The following EIF3K variants were observed in gnomAD, a reference collection of about 807,000 sequenced individuals.
EIF3K encodes the protein eukaryotic translation initiation factor 3 subunit K, also known as eIF-3 p28.
A neutral mutation model predicts 34.2 loss-of-function variants in EIF3K; 27 were observed. The ratio of observed to expected loss-of-function variants is 0.79; its 90% CI spans 0.58 to 1.09. The LOEUF is 1.09. EIF3K is among the 50% of genes least tolerant of loss of function. EIF3K has a pLI of 0.00. For synonymous variants in EIF3K, 105 were observed against 105.7 expected, an observed-to-expected ratio of 0.99 and a Z score of 0.04; for missense variants, 232 against 275.4, an observed-to-expected ratio of 0.84 and a Z score of 1.11.
chr19:38,620,476 C>G, intron 2 of EIF3K, 41 bp downstream of exon 2: 1 of 1,570,082 alleles, frequency 6.4e-7, no homozygotes, highest in Non-Finnish European at 8.7e-7. Flanking sequence ...ATTGCAGCAA[C>G]TAGCAGGGTG....
rs762074904 is a variant in EIF3K, at chr19:38,620,361, C to G, written c.84C>G (p.Thr28=). 1.1e-5 allele frequency: 18 copies of G among 1,613,996 alleles called. No homozygotes were observed. Among genetic ancestry groups the G allele is most frequent in the Non-Finnish European group, 1.4e-5 (17 of 1,180,000 alleles). ...IDRYNPENLA[T]LERYVETQAK... Reference sequence around the variant, plus strand: ...GGTACAATCCTGAGAACCTGGCCACCCTGGAGCGCTATGTAGAGACGCAGG... The same window carrying G: ...GGTACAATCCTGAGAACCTGGCCACGCTGGAGCGCTATGTAGAGACGCAGG... Residue 28 remains threonine, a synonymous_variant, in exon 2 of 8, where the codon ACC becomes ACG. Coordinates refer to ENST00000248342, the MANE Select transcript of EIF3K (RefSeq NM_013234.4).
At chr19:38,620,795 G>C (rs142735602) in intron 2 of EIF3K, among the ~76,000 whole-genome samples, 2 of 152,144 alleles carry the variant, frequency 1.3e-5, no homozygotes, top group African/African-American at 4.8e-5. Flanking sequence ...TCGGGAGGCT[G>C]AGGCAGGAGA....
At chr19:38,629,276 GT>G in intron 4 of EIF3K, among the ~76,000 whole-genome samples, 1 of 120,364 alleles carries the variant, frequency 8.3e-6, no homozygotes, top group East Asian at 2.0e-4. Context: ...TGTTTGTTTT[GT>G]TTTGTTTTGT....
chr19:38,630,100 G>A (rs1407891089), intron 4 of EIF3K, among the ~76,000 whole-genome samples: 1 of 151,442 alleles, frequency 6.6e-6, no homozygotes, highest in Admixed American at 6.6e-5. Flanking sequence ...ACATCACATG[G>A]CTACACTTAG....
At chr19:38,634,968 C>T in intron 6 of EIF3K, 25 bp from the exon 7 acceptor site, 3 of 1,613,782 alleles carry the variant, frequency 1.9e-6, no homozygotes, top group African/African-American at 2.7e-5. Context: ...TGACTGAAGC[C>T]CCTTGCTGCC....
chr19:38,619,426 G>A, intron 1 of EIF3K, 99 bp downstream of exon 1: 2 of 1,393,716 alleles, frequency 1.4e-6, no homozygotes, highest in Non-Finnish European at 2.0e-6. Flanking sequence ...GCTTGCCGCG[G>A]GGTGGGGTTT....
Position 38,619,874 on chromosome 19 carries a change from C to T in EIF3K, c.60-463C>T, listed in dbSNP as rs544109208. Among the ~76,000 whole-genome samples the T allele has an allele frequency of 2.6e-5, 4 of 152,328 alleles. No individual in the cohort carries two copies. The South Asian group carries it at 8.3e-4, about 32-fold the overall frequency. On this transcript the variant is annotated intron_variant, in intron 1 of 7. Transcript: ENST00000248342. ...CTTTCCATAAGGGAGACAAACCTGA[C>T]AGCAGACAGCGATAGCCGGGAGAGA...
intron 2 of EIF3K, among the ~76,000 whole-genome samples, chr19:38,621,685 T>C (rs559553106): frequency 6.6e-6 from 1 of 152,346 alleles, no homozygotes; most frequent in Admixed American, 6.5e-5. Context: ...TTGAACTTGA[T>C]ACAGATGGAG....
In EIF3K at chr19:38,624,097, T is replaced by G. The variant is rs1181254542; in HGVS notation, c.179T>G (p.Phe60Cys). ...VLKLYQFNPA[F>C]FQTTVTAQIL... ...CTTAGGTACCAGTTCAACCCAGCCT[T>G]CTTTCAGACCACGGTCACCGCCCAG... The change falls in exon 3 of 8, where the codon TTC becomes TGC. Residue 60 changes from phenylalanine (F) to cysteine (C), a missense_variant. Phe to Cys is a radical substitution (Grantham distance 205). Coordinates refer to ENST00000248342, the MANE Select transcript of EIF3K (RefSeq NM_013234.4). The G allele has an allele frequency of 1.9e-6, 3 of 1,614,036 alleles. No individual in the cohort carries two copies. In the African/African-American group the frequency reaches 4.0e-5, roughly 22 times the overall value.
At chr19:38,626,800 T>C (rs1975960161) in intron 4 of EIF3K, among the ~76,000 whole-genome samples, 1 of 151,994 alleles carries the variant, frequency 6.6e-6, no homozygotes, top group Non-Finnish European at 1.5e-5. Context: ...TGTTGTTTTT[T>C]GTTTGTTTGT....
intron 4 of EIF3K, among the ~76,000 whole-genome samples, chr19:38,628,740 C>T (rs933867555): frequency 1.3e-5 from 2 of 152,028 alleles, no homozygotes; most frequent in Non-Finnish European, 1.5e-5. Context: ...AGGAGAATTG[C>T]TTGAACCTGG....
chr19:38,630,339 A>ATTTTTT (rs1489845622), intron 4 of EIF3K, among the ~76,000 whole-genome samples: 3 of 136,570 alleles, frequency 2.2e-5, no homozygotes, highest in South Asian at 2.4e-4. Context: ...TTATTTATTT[A>ATTTTTT]TTTATTTATT....
intron 2 of EIF3K, among the ~76,000 whole-genome samples, chr19:38,621,934 G>T (rs1308928971): frequency 2.9e-5 from 4 of 140,258 alleles, no homozygotes; most frequent in African/African-American, 8.1e-5. Context: ...TTGGAGACAG[G>T]ATCTTCTGTT....
intron 7 of EIF3K, chr19:38,635,878 G>A (rs1037110145): frequency 5.9e-5 from 9 of 152,266 alleles, no homozygotes; most frequent in Admixed American, 2.0e-4. Flanking sequence ...TGGAGCCAGG[G>A]AGAAAGGCAC....
chr19:38,624,440 T>C (rs1435615356), intron 3 of EIF3K, among the ~76,000 whole-genome samples: 1 of 151,848 alleles, frequency 6.6e-6, no homozygotes, highest in Non-Finnish European at 1.5e-5. Context: ...CAGGGTTGGG[T>C]TACAAGAGTC....
Position 38,619,198 on chromosome 19 carries a change from T to A in EIF3K, c.-71T>A. 6.4e-7 allele frequency: 1 copy of A among 1,561,464 alleles called. No individual in the cohort carries two copies. Among genetic ancestry groups the A allele is most frequent in the Non-Finnish European group, 8.8e-7 (1 of 1,137,932 alleles). On this transcript the variant is annotated 5_prime_UTR_variant, in exon 1 of 8. Transcript: ENST00000248342. ...TTCCGTTTCCACCACCTCTTCCTGT[T>A]CCCGTCCTTGAGGACGCCGTGCCGG...
At chr19:38,625,572 T>C (rs1380515111) in intron 3 of EIF3K, among the ~76,000 whole-genome samples, 1 of 151,714 alleles carries the variant, frequency 6.6e-6, no homozygotes, top group African/African-American at 2.4e-5. Context: ...TGCAAAGGCG[T>C]GATCTTGGCT....
intron 1 of EIF3K, 117 bp downstream of exon 1, chr19:38,619,444 C>A: frequency 1.7e-6 from 2 of 1,145,338 alleles, no homozygotes; most frequent in Non-Finnish European, 1.3e-6. Context: ...TTTCTCTATC[C>A]TCCTGGAGGA....
chr19:38,630,339 A>ATT lies in EIF3K; in HGVS notation c.355-2089_355-2088dup, dbSNP rs1489845622. Among the ~76,000 whole-genome samples the ATT allele has an allele frequency of 5.6e-4, 77 of 136,630 alleles. 1 individual carries two copies. Among genetic ancestry groups the ATT allele is most frequent in the East Asian group, 1.9e-3 (9 of 4,672 alleles). The allele number at this position is 136,630 out of a possible 152,430, so 89.6% of individuals were successfully genotyped here. On this transcript the variant is annotated intron_variant, in intron 4 of 7. Coordinates refer to ENST00000248342, the MANE Select transcript of EIF3K (RefSeq NM_013234.4). ...CCACACCCGGTTTAATTATTTATTTATTTATTTATTTTTTTTTTTTTTTGA... is the reference window on the plus strand; with the variant it reads ...CCACACCCGGTTTAATTATTTATTTATTTTTATTTATTTTTTTTTTTTTTTGA...
Sources: gnomAD v4.1 joint callset for allele counts (sites outside exome capture counted in the v4.1 genomes callset) on GRCh38, gnomAD v4.1.1 for gene constraint, MANE v1.5 for transcripts, NCBI Gene and HGNC (gene_info 2026-07-23, HGNC 2026-07-21) for gene names.